MSRA: variants seen among roughly 807,000 people sequenced by gnomAD.
MSRA encodes the protein mitochondrial peptide methionine sulfoxide reductase.
MSRA carries 54 observed loss-of-function variants against 31.3 expected under a neutral mutation model. The ratio of observed to expected loss-of-function variants is 1.73; its 90% confidence interval spans 1.39 to 2.17. The LOEUF is 2.17. MSRA is among the 30% of genes most tolerant of loss of function. MSRA has a pLI of 0.00. For synonymous variants in MSRA, 169 were observed against 116.5 expected (o/e 1.45, Z -2.90); for missense variants, 507 against 300.9 (o/e 1.69, Z -5.07).
chr8:10,254,657 G>C (rs1027473921), intron 3 of MSRA, among the ~76,000 whole-genome samples: 1 of 152,212 alleles, frequency 6.6e-6, no homozygotes, highest in Non-Finnish European at 1.5e-5. Flanking sequence ...TAGTCAGTGT[G>C]CCACCTGGCT....
At chr8:10,390,293 G>GT (rs1806659446) in intron 5 of MSRA, among the ~76,000 whole-genome samples, 1 of 152,218 alleles carries the variant, frequency 6.6e-6, no homozygotes, top group African/African-American at 2.4e-5. Flanking sequence ...GCGTGGCCTT[G>GT]TGTTTCCTGT....
chr8:10,351,105 A>C (rs1804105845), intron 5 of MSRA, among the ~76,000 whole-genome samples: 1 of 152,144 alleles, frequency 6.6e-6, no homozygotes, highest in Non-Finnish European at 1.5e-5. Context: ...TGCCAAGTGC[A>C]ACCTGAGATG....
intron 5 of MSRA, among the ~76,000 whole-genome samples, chr8:10,386,426 A>G (rs1806395814): frequency 6.6e-6 from 1 of 152,218 alleles, no homozygotes; most frequent in East Asian, 1.9e-4. Flanking sequence ...AGGTTTTTAT[A>G]TGATGATGTT....
intron 4 of MSRA, among the ~76,000 whole-genome samples, chr8:10,305,409 C>CTTTTTTTTTTTTTTTT (rs549346544): frequency 4.1e-5 from 5 of 122,964 alleles, no homozygotes; most frequent in African/African-American, 9.1e-5. Context: ...TGTTTTCTTC[C>CTTTTTTTTTTTTTTTT]TTTTTTTTTT....
intron 1 of MSRA, among the ~76,000 whole-genome samples, chr8:10,177,290 T>C (rs1806139621): frequency 6.6e-6 from 1 of 152,206 alleles, no homozygotes; most frequent in South Asian, 2.1e-4. Context: ...TAGTTCTAAA[T>C]TATGCACTTT....
At chr8:10,277,846 G>GA (rs5889327) in intron 3 of MSRA, among the ~76,000 whole-genome samples, 114,090 of 151,986 alleles carry the variant, frequency 0.75, 42,899 homozygotes, top group Admixed American at 0.82. Context: ...ATACATATTT[G>GA]AAAGTTCATG....
At chr8:10,105,550 T>C (rs1187047884) in intron 1 of MSRA, among the ~76,000 whole-genome samples, 1 of 152,220 alleles carries the variant, frequency 6.6e-6, no homozygotes, top group Non-Finnish European at 1.5e-5. Context: ...ACACCGATAA[T>C]GTAGGCACAT....
chr8:10,085,916 C>T (rs1013311638), intron 1 of MSRA, among the ~76,000 whole-genome samples: 3 of 152,308 alleles, frequency 2.0e-5, no homozygotes, highest in Admixed American at 2.0e-4. Flanking sequence ...GTTGCACTTA[C>T]TAGTAATTGT....
intron 5 of MSRA, among the ~76,000 whole-genome samples, chr8:10,409,946 G>A (rs1808055432): frequency 6.6e-6 from 1 of 152,326 alleles, no homozygotes; most frequent in Admixed American, 6.5e-5. Flanking sequence ...TCTAGTCCCA[G>A]CTACTTGGGA....
chr8:10,259,863 G>A (rs1316818685), intron 3 of MSRA, among the ~76,000 whole-genome samples: 4 of 152,196 alleles, frequency 2.6e-5, no homozygotes, highest in Admixed American at 6.5e-5. Flanking sequence ...CACCCAGCTC[G>A]CTGGTGTTCC....
chr8:10,229,989 C>T lies in MSRA; in HGVS notation c.212-15115C>T, dbSNP rs549090424. On this transcript the variant is annotated intron_variant, in intron 2 of 5. Coordinates refer to ENST00000317173, the MANE Select transcript of MSRA (RefSeq NM_012331.5). ...AACTGGCATTCTTCTTTTTAGGAAT[C>T]CCTCCATTATGAACTACACTACATT... is the stretch of plus-strand genomic sequence containing the variant. Among the ~76,000 whole-genome samples the T allele has an allele frequency of 2.0e-5, 3 of 152,316 alleles. No homozygotes were observed. In the East Asian group the frequency reaches 5.8e-4, roughly 29 times the overall value.
At chr8:10,413,516 A>G (rs1217313318) in intron 5 of MSRA, among the ~76,000 whole-genome samples, 1 of 152,254 alleles carries the variant, frequency 6.6e-6, no homozygotes, top group Non-Finnish European at 1.5e-5. Context: ...GTAACAAAGA[A>G]ACATGACGGT....
At chr8:10,337,119 A>G (rs545267895) in intron 5 of MSRA, 1 of 152,262 alleles carries the variant, frequency 6.6e-6, no homozygotes, top group South Asian at 2.1e-4. Context: ...CTCCTGAGAT[A>G]TGTGTACAGT....
chr8:10,207,948 A>G (rs1167232438), intron 2 of MSRA, 47 bp downstream of exon 2: 1 of 1,500,106 alleles, frequency 6.7e-7, no homozygotes, highest in Admixed American at 1.8e-5. Context: ...TGCAAAGACT[A>G]GTGCCAAATT....
intron 5 of MSRA, among the ~76,000 whole-genome samples, chr8:10,335,998 G>T (rs1563364802): frequency 6.6e-6 from 1 of 152,036 alleles, no homozygotes; most frequent in Non-Finnish European, 1.5e-5. Context: ...CTGTCACTGG[G>T]CCAGGTAGAT....
intron 1 of MSRA, among the ~76,000 whole-genome samples, chr8:10,192,079 C>G (rs1807558315): frequency 6.6e-6 from 1 of 152,096 alleles, no homozygotes; most frequent in African/African-American, 2.4e-5. Flanking sequence ...CATAGGGCTG[C>G]CTTACGATAT....
chr8:10,403,944 G>A (rs141363102), intron 5 of MSRA, among the ~76,000 whole-genome samples: 179 of 152,298 alleles, frequency 1.2e-3, no homozygotes, highest in African/African-American at 4.1e-3. Context: ...TAAAATAGCC[G>A]TGACCCATGA....
chr8:10,146,057 G>T (rs1441003879), intron 1 of MSRA, among the ~76,000 whole-genome samples: 1 of 152,190 alleles, frequency 6.6e-6, no homozygotes, highest in Non-Finnish European at 1.5e-5. Context: ...TGCAAACAGT[G>T]CGCTGTAGTC....
At chr8:10,288,941 C>T (rs113051958) in intron 3 of MSRA, among the ~76,000 whole-genome samples, 2,241 of 151,368 alleles carry the variant, frequency 0.015, 54 homozygotes, top group African/African-American at 0.051. Context: ...CAAGCAGCCA[C>T]GGTGTTTGAA....
Sources: allele counts gnomAD v4.1 joint callset (sites outside exome capture counted in the v4.1 genomes callset), GRCh38; gene constraint gnomAD v4.1.1; transcripts MANE v1.5; gene names NCBI Gene and HGNC (gene_info 2026-07-23, HGNC 2026-07-21).